Variants in GPC5 observed in about 807,000 individuals in gnomAD.
The protein encoded by GPC5 is glypican-5.
In GPC5, 47 loss-of-function variants were observed where a neutral mutation model predicts 53.9. The ratio of observed to expected loss-of-function variants is 0.87; its 90% CI spans 0.69 to 1.11. The LOEUF (loss-of-function observed/expected upper bound fraction) is 1.11. GPC5 is among the 50% of genes most tolerant of loss of function. GPC5 has a pLI of 0.00. For synonymous variants in GPC5, 286 were observed against 263.3 expected, an observed-to-expected ratio of 1.09 and a Z score of -0.84; for missense variants, 748 against 713.1, an observed-to-expected ratio of 1.05 and a Z score of -0.56.
chr13:92,689,137 CGTT>C (rs1286103591), intron 7 of GPC5, among the ~76,000 whole-genome samples: 114 of 13,096 alleles, frequency 8.7e-3, no homozygotes, highest in African/African-American at 0.016. Flanking sequence ...CTTTCTGTCT[CGTT>C]GATCTGTCTA....
intron 7 of GPC5, among the ~76,000 whole-genome samples, chr13:92,309,003 G>T (rs140504276): frequency 1.3e-5 from 2 of 152,106 alleles, no homozygotes; most frequent in East Asian, 3.9e-4. Flanking sequence ...TTTGAGAGGA[G>T]TCATTATGTA....
intron 7 of GPC5, among the ~76,000 whole-genome samples, chr13:92,316,576 T>A (rs2043180913): frequency 1.3e-5 from 2 of 152,094 alleles, no homozygotes; most frequent in African/African-American, 4.8e-5. Context: ...ACAGTATGAG[T>A]TCTGCCTATT....
chr13:92,428,960 C>T (rs1876963555), intron 7 of GPC5, among the ~76,000 whole-genome samples: 1 of 152,000 alleles, frequency 6.6e-6, no homozygotes, highest in Admixed American at 6.6e-5. Context: ...AAGAATAAAT[C>T]AGGATTGCAA....
intron 7 of GPC5, among the ~76,000 whole-genome samples, chr13:92,378,091 C>G (rs1248172772): frequency 1.3e-5 from 2 of 152,020 alleles, no homozygotes; most frequent in African/African-American, 2.4e-5. Flanking sequence ...GAAAATATAG[C>G]CACCAGATGG....
At chr13:92,348,347 T>C (rs547141127) in intron 7 of GPC5, among the ~76,000 whole-genome samples, 88 of 151,940 alleles carry the variant, frequency 5.8e-4, no homozygotes, top group African/African-American at 2.0e-3. Flanking sequence ...GAACATCATA[T>C]GATAATAAAG....
chr13:91,831,174 T>G (rs1397898235), intron 5 of GPC5, among the ~76,000 whole-genome samples: 1 of 149,818 alleles, frequency 6.7e-6, no homozygotes, highest in Non-Finnish European at 1.5e-5. Context: ...CACAATACAC[T>G]GCCTGCAAGC....
intron 5 of GPC5, among the ~76,000 whole-genome samples, chr13:91,801,676 A>G (rs1183296351): frequency 6.6e-6 from 1 of 152,202 alleles, no homozygotes; most frequent in East Asian, 1.9e-4. Context: ...CTAATAACCA[A>G]CATTTATTGA....
intron 5 of GPC5, among the ~76,000 whole-genome samples, chr13:91,884,960 T>C (rs1475726643): frequency 6.6e-6 from 1 of 152,214 alleles, no homozygotes; most frequent in Non-Finnish European, 1.5e-5. Flanking sequence ...ACCCAGGACA[T>C]GATTATAATT....
At chr13:92,183,276 C>T (rs916202509) in intron 7 of GPC5, among the ~76,000 whole-genome samples, 10 of 152,108 alleles carry the variant, frequency 6.6e-5, no homozygotes, top group African/African-American at 1.9e-4. Flanking sequence ...TAAGCTCTTA[C>T]GAAGTATAAG....
At chr13:92,161,152 T>C (rs1251091730) in intron 7 of GPC5, among the ~76,000 whole-genome samples, 2 of 152,112 alleles carry the variant, frequency 1.3e-5, no homozygotes, top group Non-Finnish European at 2.9e-5. Flanking sequence ...TTCTTGATCA[T>C]GGAGTATATA....
chr13:92,311,161 T>C (rs1443592362), intron 7 of GPC5, among the ~76,000 whole-genome samples: 2 of 152,070 alleles, frequency 1.3e-5, no homozygotes, highest in East Asian at 1.9e-4. Context: ...CGGGAGTCCA[T>C]GGAAAATATT....
chr13:92,255,879 T>C (rs548015408), intron 7 of GPC5, among the ~76,000 whole-genome samples: 28 of 152,218 alleles, frequency 1.8e-4, no homozygotes, highest in Admixed American at 5.2e-4. Context: ...TTGCTAGCTT[T>C]AAAAAATGAG....
chr13:92,501,439 T>C (rs1207468160), intron 7 of GPC5, among the ~76,000 whole-genome samples: 2 of 152,160 alleles, frequency 1.3e-5, no homozygotes, highest in African/African-American at 4.8e-5. Flanking sequence ...CAATTGTTAA[T>C]TGGCCTTTGG....
At chr13:92,855,217 C>T (rs1175871997) in intron 7 of GPC5, among the ~76,000 whole-genome samples, 1 of 151,906 alleles carries the variant, frequency 6.6e-6, no homozygotes, top group South Asian at 2.1e-4. Flanking sequence ...TTTGTTTGTT[C>T]ATTTGTTTCT....
intron 7 of GPC5, among the ~76,000 whole-genome samples, chr13:92,194,576 T>C (rs2042244816): frequency 6.6e-6 from 1 of 152,238 alleles, no homozygotes; most frequent in Non-Finnish European, 1.5e-5. Flanking sequence ...TGAAAAATAG[T>C]ATCCTCATTC....
chr13:91,652,342 C>A (rs1173138230), intron 2 of GPC5, among the ~76,000 whole-genome samples: 2 of 152,038 alleles, frequency 1.3e-5, no homozygotes, highest in African/African-American at 4.8e-5. Context: ...ATCTTAGCAA[C>A]CTCAGAATAT....
At chr13:91,459,254 C>T (rs1382541932) in intron 2 of GPC5, among the ~76,000 whole-genome samples, 1 of 151,720 alleles carries the variant, frequency 6.6e-6, no homozygotes, top group Non-Finnish European at 1.5e-5. Flanking sequence ...ATGATTGCAC[C>T]ACTATACTCC....
At chr13:92,028,180 G>GT (rs1004051703) in intron 6 of GPC5, among the ~76,000 whole-genome samples, 16 of 151,962 alleles carry the variant, frequency 1.1e-4, no homozygotes, top group Non-Finnish European at 1.3e-4. Flanking sequence ...TTTTTAAATG[G>GT]TTTATACCTG....
chr13:91,509,187 T>C (rs1246944027), intron 2 of GPC5, among the ~76,000 whole-genome samples: 1 of 151,932 alleles, frequency 6.6e-6, no homozygotes, highest in East Asian at 1.9e-4. Context: ...TGCCCCAAAA[T>C]TGCAGGTATA....
Sources: allele counts gnomAD v4.1 joint callset (sites outside exome capture counted in the v4.1 genomes callset), GRCh38; gene constraint gnomAD v4.1.1; transcripts MANE v1.5; gene names NCBI Gene and HGNC (gene_info 2026-07-23, HGNC 2026-07-21).